Variants in GRAMD1B observed in about 807,000 individuals in gnomAD.
The protein encoded by GRAMD1B is protein Aster-B.
In GRAMD1B, 37 loss-of-function variants were observed where a neutral mutation model predicts 99.7. That is an observed-to-expected ratio of 0.37 (90% confidence interval 0.29 to 0.49). GRAMD1B has a LOEUF of 0.49. GRAMD1B is among the 20% of genes least tolerant of loss of function. GRAMD1B has a pLI of 0.98. For missense variants in GRAMD1B, 888 were observed against 1,009.2 expected, an observed-to-expected ratio of 0.88 and a Z score of 1.63; for synonymous variants, 427 against 387.6, an observed-to-expected ratio of 1.10 and a Z score of -1.19.
chr11:123,457,749 C>G (rs1201564481), intron 1 of GRAMD1B, among the ~76,000 whole-genome samples: 1 of 152,206 alleles, frequency 6.6e-6, no homozygotes, highest in African/African-American at 2.4e-5. Flanking sequence ...TGGGGTCTCA[C>G]TCTATCGCCT....
At chr11:123,465,548 C>T (rs900837589) in intron 1 of GRAMD1B, among the ~76,000 whole-genome samples, 3 of 151,924 alleles carry the variant, frequency 2.0e-5, no homozygotes, top group African/African-American at 7.3e-5. Context: ...AGGCGGATCA[C>T]CTGAGGTCAG....
At chr11:123,516,795 A>G (rs1941712729) in intron 2 of GRAMD1B, among the ~76,000 whole-genome samples, 1 of 152,244 alleles carries the variant, frequency 6.6e-6, no homozygotes, top group South Asian at 2.1e-4. Context: ...GTTATTTCAT[A>G]TAGTTTAATG....
chr11:123,386,573 G>GTTCT (rs1312495295), intron 1 of GRAMD1B, among the ~76,000 whole-genome samples: 11 of 152,004 alleles, frequency 7.2e-5, no homozygotes, highest in African/African-American at 2.2e-4. Context: ...AAGTAGCTGG[G>GTTCT]ATTACAGGCA....
chr11:123,539,926 T>A (rs1229365050), intron 2 of GRAMD1B, among the ~76,000 whole-genome samples: 1 of 152,220 alleles, frequency 6.6e-6, no homozygotes, highest in Non-Finnish European at 1.5e-5. Flanking sequence ...CAGATTTAAT[T>A]GATCCGCGAG....
At chr11:123,377,672 G>A (rs980686285) in intron 1 of GRAMD1B, among the ~76,000 whole-genome samples, 13 of 152,318 alleles carry the variant, frequency 8.5e-5, no homozygotes, top group African/African-American at 2.6e-4. Flanking sequence ...TGAACTAGAC[G>A]TGCTCCCTGA....
At chr11:123,383,224 CTCTCTCT>C in intron 1 of GRAMD1B, among the ~76,000 whole-genome samples, 1 of 152,092 alleles carries the variant, frequency 6.6e-6, no homozygotes, top group East Asian at 1.9e-4. Flanking sequence ...CTCTCTCTCT[CTCTCTCT>C]CTCTCATTTC....
intron 1 of GRAMD1B, among the ~76,000 whole-genome samples, chr11:123,379,696 T>C (rs2135781420): frequency 6.6e-6 from 1 of 152,366 alleles, no homozygotes; most frequent in Admixed American, 6.5e-5. Flanking sequence ...GATATACACC[T>C]GGAAGTGAAA....
At chr11:123,544,485 T>C (rs1300567297) in intron 2 of GRAMD1B, among the ~76,000 whole-genome samples, 1 of 152,238 alleles carries the variant, frequency 6.6e-6, no homozygotes, top group African/African-American at 2.4e-5. Context: ...AGTTCATATA[T>C]GTCTCTCTTG....
At chr11:123,594,595 T>G in intron 5 of GRAMD1B, 140 bp from the exon 6 acceptor site, 2 of 628,132 alleles carry the variant, frequency 3.2e-6, no homozygotes, top group Non-Finnish European at 5.7e-6. Context: ...TGGCTGCTAG[T>G]TCAAGTGTCT....
At position 123,440,703 on chromosome 11, in the gene GRAMD1B, C is replaced by T. The variant is rs141607928; in HGVS notation, c.374+9537C>T. On this transcript the variant is annotated intron_variant, in intron 1 of 19. Coordinates refer to ENST00000635736, the MANE Select transcript of GRAMD1B (RefSeq NM_001387025.1). ...ATAAAGAAAAGAAGTTTATTTGGCT[C>T]ATGGTTCTGCTGGCTGCATAAGAAG... is the stretch of plus-strand genomic sequence containing the variant. 3.5e-3 allele frequency among the ~76,000 whole-genome samples: 530 copies of T among 152,268 alleles called. 6 individuals are homozygous for T. The highest frequency in any genetic ancestry group is 6.1e-3 in the Non-Finnish European group (414 of 68,030).
intron 1 of GRAMD1B, among the ~76,000 whole-genome samples, chr11:123,366,707 T>G (rs1946331653): frequency 6.6e-6 from 1 of 152,154 alleles, no homozygotes; most frequent in Non-Finnish European, 1.5e-5. Flanking sequence ...TGGAAAGAAG[T>G]GCGTTGATGG....
intron 2 of GRAMD1B, among the ~76,000 whole-genome samples, chr11:123,543,496 T>C (rs928412614): frequency 6.6e-6 from 1 of 152,324 alleles, no homozygotes; most frequent in African/African-American, 2.4e-5. Context: ...GAGGAAACCC[T>C]GCTTATGGGC....
intron 2 of GRAMD1B, among the ~76,000 whole-genome samples, chr11:123,520,184 C>T (rs1401632258): frequency 6.6e-6 from 1 of 152,146 alleles, no homozygotes; most frequent in Non-Finnish European, 1.5e-5. Flanking sequence ...GAACTCTTTC[C>T]GGCCTCCATT....
At chr11:123,466,094 G>A (rs1434819178) in intron 1 of GRAMD1B, among the ~76,000 whole-genome samples, 1 of 152,058 alleles carries the variant, frequency 6.6e-6, no homozygotes, top group Non-Finnish European at 1.5e-5. Flanking sequence ...TGGCCAACAT[G>A]GTGAAACCCC....
intron 2 of GRAMD1B, among the ~76,000 whole-genome samples, chr11:123,558,270 C>T (rs1347568793): frequency 6.6e-6 from 1 of 152,094 alleles, no homozygotes; most frequent in Non-Finnish European, 1.5e-5. Flanking sequence ...AGGCATGAGC[C>T]ACCATGCCCA....
intron 17 of GRAMD1B, among the ~76,000 whole-genome samples, chr11:123,615,758 C>T (rs758714040): frequency 2.0e-5 from 3 of 152,200 alleles, no homozygotes; most frequent in Non-Finnish European, 4.4e-5. Flanking sequence ...TGATGTGGTC[C>T]TGGAGCTCAG....
rs1053656620 is a variant in GRAMD1B, at chr11:123,415,332, A to G, written c.-176+56533A>G. 1.9e-4 allele frequency among the ~76,000 whole-genome samples: 29 copies of G among 151,670 alleles called. 1 individual carries two copies. The South Asian group carries it at 6.1e-3, about 32-fold the overall frequency. ...TTGCCAGGATGGTCTCGATTTCTTG[A>G]TCTCATGATCCGCCTGCCTCGGCCT... On this transcript the variant is annotated intron_variant, in intron 1 of 20. Coordinates refer to the GRAMD1B transcript ENST00000638157.
intron 1 of GRAMD1B, among the ~76,000 whole-genome samples, chr11:123,451,032 G>C (rs1949865356): frequency 6.6e-6 from 1 of 152,178 alleles, no homozygotes; most frequent in Admixed American, 6.5e-5. Context: ...AGAGGAAAGA[G>C]GGGGTACTGA....
Position 123,624,615 on chromosome 11 carries a change from G to A in GRAMD1B, c.*2020G>A, listed in dbSNP as rs926609033. 6.6e-6 allele frequency: 1 copy of A among 152,182 alleles called. No individual in the cohort carries two copies. Among genetic ancestry groups the A allele is most frequent in the Non-Finnish European group, 1.5e-5 (1 of 68,048 alleles). 9.4% of individuals were successfully genotyped at this position (152,182 alleles called of 1,614,324 possible). ...GACACTGGTAGGGATCAAGGCTCAT[G>A]GGCTCTGAGCCAAAGAAGGAGGCAT... On this transcript the variant is annotated 3_prime_UTR_variant, in exon 20 of 20. Coordinates refer to ENST00000635736, the MANE Select transcript of GRAMD1B (RefSeq NM_001387025.1).
Sources: allele counts gnomAD v4.1 joint callset (sites outside exome capture counted in the v4.1 genomes callset), GRCh38; gene constraint gnomAD v4.1.1; transcripts MANE v1.5; gene names NCBI Gene and HGNC (gene_info 2026-07-23, HGNC 2026-07-21).